The following PBX3 variants were observed in gnomAD, a reference collection of about 807,000 sequenced individuals.
PBX3 encodes the protein pre-B-cell leukemia transcription factor 3.
Under a neutral mutation model 48.5 loss-of-function variants are expected in PBX3, and 14 were observed. That is an observed-to-expected ratio of 0.29 (90% CI 0.19 to 0.45). PBX3 has a LOEUF of 0.45. Among genes scored for constraint, PBX3 ranks in the 20% least tolerant of loss-of-function variants. PBX3 has a pLI of 1.00. For synonymous variants in PBX3, 210 were observed against 200.3 expected, an observed-to-expected ratio of 1.05 and a Z score of -0.41; for missense variants, 386 against 546.7, an observed-to-expected ratio of 0.71 and a Z score of 2.93.
intron 8 of PBX3, among the ~76,000 whole-genome samples, chr9:125,964,109 C>T (rs904251561): frequency 1.3e-5 from 2 of 152,100 alleles, no homozygotes; most frequent in African/African-American, 4.8e-5. Flanking sequence ...TGATTGCCTG[C>T]AGCATTTTAC....
chr9:125,783,612 T>C (rs1837380717), intron 2 of PBX3, among the ~76,000 whole-genome samples: 1 of 152,208 alleles, frequency 6.6e-6, no homozygotes, highest in African/African-American at 2.4e-5. Flanking sequence ...TTTTAATCTC[T>C]TTGCTAATAC....
chr9:125,755,934 A>G (rs1216368350), intron 2 of PBX3, among the ~76,000 whole-genome samples: 2 of 151,938 alleles, frequency 1.3e-5, no homozygotes, highest in Non-Finnish European at 2.9e-5. Context: ...CTAAAACATA[A>G]TTTCATTAAC....
At chr9:125,919,395 G>C (rs12348133) in intron 3 of PBX3, among the ~76,000 whole-genome samples, 1 of 131,116 alleles carries the variant, frequency 7.6e-6, no homozygotes, top group African/African-American at 3.0e-5. Context: ...ATTTTTGGTA[G>C]AGACGGGGTT....
rs544905818 is a variant in PBX3 at position 125,871,316 on chromosome 9, C to T, written c.275-44370C>T. Among the ~76,000 whole-genome samples, 27 of 148,154 alleles carry T rather than the reference C, an allele frequency of 1.8e-4. No homozygotes were observed. The South Asian group carries it at 4.9e-3, about 27-fold the overall frequency. ...CTGAGGCAGAAGAATCACTTGAACC[C>T]GGGAGGTGGAGCTGAAATTGCGCCA... On this transcript the variant is annotated intron_variant, in intron 2 of 8. Transcript: ENST00000373489.
intron 2 of PBX3, among the ~76,000 whole-genome samples, chr9:125,774,816 A>G (rs1383053669): frequency 6.6e-6 from 1 of 150,646 alleles, no homozygotes; most frequent in Non-Finnish European, 1.5e-5. Context: ...ATGCCAAACA[A>G]TTTTCCATAG....
chr9:125,828,674 C>G (rs1460164114), intron 2 of PBX3, among the ~76,000 whole-genome samples: 1 of 152,140 alleles, frequency 6.6e-6, no homozygotes, highest in Non-Finnish European at 1.5e-5. Flanking sequence ...AAACAATTTA[C>G]TTATGATAGG....
chr9:125,817,571 A>G (rs777931843), intron 2 of PBX3, among the ~76,000 whole-genome samples: 1 of 152,234 alleles, frequency 6.6e-6, no homozygotes, highest in Admixed American at 6.5e-5. Flanking sequence ...TGCATCATTT[A>G]TAATACACTT....
At chr9:125,748,475 T>C (rs1419688205) in intron 1 of PBX3, 75 bp from the exon 2 acceptor site, 13 of 1,567,402 alleles carry the variant, frequency 8.3e-6, no homozygotes, top group Non-Finnish European at 1.0e-5. Context: ...AAATCTTGGG[T>C]CTAACTTAAA....
At chr9:125,775,262 T>A (rs1276104905) in intron 2 of PBX3, among the ~76,000 whole-genome samples, 2 of 152,264 alleles carry the variant, frequency 1.3e-5, no homozygotes, top group Admixed American at 6.5e-5. Flanking sequence ...GTTTTACTTT[T>A]CTTTTCTCTA....
At chr9:125,835,764 T>C (rs181672147) in intron 2 of PBX3, among the ~76,000 whole-genome samples, 94 of 152,318 alleles carry the variant, frequency 6.2e-4, no homozygotes, top group African/African-American at 2.1e-3. Context: ...CTGTAGTTAG[T>C]GCATTCACTA....
At chr9:125,859,012 G>T (rs550919313) in intron 2 of PBX3, among the ~76,000 whole-genome samples, 1 of 152,260 alleles carries the variant, frequency 6.6e-6, no homozygotes, top group African/African-American at 2.4e-5. Context: ...ATGAGGTTGC[G>T]TGACTACAGC....
Position 125,899,356 on chromosome 9 carries a change from TATAA to T in PBX3, c.275-16326_275-16323del, listed in dbSNP as rs1325958990. Among the ~76,000 whole-genome samples, 121 of 99,848 alleles carry T rather than the reference TATAA, an allele frequency of 1.2e-3. 7 individuals are homozygous for T. Among genetic ancestry groups the T allele is most frequent in the Non-Finnish European group, 1.9e-3 (91 of 48,844 alleles). 65.5% of individuals were successfully genotyped at this position (99,848 alleles called of 152,430 possible). A position where few individuals can be genotyped will look rare whatever the true frequency, so the allele number is the denominator to read the frequency against. ...ATATACATATATGTATATATTTTTATATAAATATATACATATATGTATATATTTT... is the reference window on the plus strand; with the variant it reads ...ATATACATATATGTATATATTTTTATATATATACATATATGTATATATTTT... On this transcript the variant is annotated intron_variant, in intron 2 of 8. Coordinates refer to ENST00000373489, the MANE Select transcript of PBX3 (RefSeq NM_006195.6).
chr9:125,833,172 A>G (rs536854352), intron 2 of PBX3, among the ~76,000 whole-genome samples: 3 of 152,220 alleles, frequency 2.0e-5, no homozygotes, highest in Non-Finnish European at 4.4e-5. Context: ...TTCCTGCAAT[A>G]TGCTAAGAAT....
At chr9:125,915,024 T>C (rs1183241633) in intron 2 of PBX3, among the ~76,000 whole-genome samples, 1 of 152,204 alleles carries the variant, frequency 6.6e-6, no homozygotes, top group Non-Finnish European at 1.5e-5. Context: ...AATGGCACAT[T>C]TTTAATACTG....
At chr9:125,764,117 C>G (rs1004672905) in intron 2 of PBX3, among the ~76,000 whole-genome samples, 4 of 152,194 alleles carry the variant, frequency 2.6e-5, no homozygotes, top group Non-Finnish European at 4.4e-5. Flanking sequence ...TTTCTAAAGA[C>G]TGCAAGGACA....
intron 2 of PBX3, among the ~76,000 whole-genome samples, chr9:125,782,908 A>G (rs10760402): frequency 2.6e-5 from 4 of 152,022 alleles, no homozygotes; most frequent in African/African-American, 9.7e-5. Flanking sequence ...ATAGTTTCTG[A>G]TAAGAATTTC....
chr9:125,794,662 T>C (rs997106274), intron 2 of PBX3, among the ~76,000 whole-genome samples: 4 of 151,424 alleles, frequency 2.6e-5, no homozygotes, highest in African/African-American at 9.7e-5. Flanking sequence ...GTCAGGATTA[T>C]GTTTGGTCTA....
intron 2 of PBX3, among the ~76,000 whole-genome samples, chr9:125,897,141 G>GTTTTTTTT (rs371641194): frequency 3.7e-5 from 4 of 108,914 alleles, no homozygotes; most frequent in East Asian, 2.5e-4. Flanking sequence ...TTCATTTGTG[G>GTTTTTTTT]TTTTTTTTTT....
intron 2 of PBX3, among the ~76,000 whole-genome samples, chr9:125,828,803 A>C (rs1264364016): frequency 6.6e-6 from 1 of 152,242 alleles, no homozygotes; most frequent in African/African-American, 2.4e-5. Flanking sequence ...GTCGTTTGAC[A>C]GATTTGTTTG....
Sources: allele counts gnomAD v4.1 joint callset (sites outside exome capture counted in the v4.1 genomes callset), GRCh38; gene constraint gnomAD v4.1.1; transcripts MANE v1.5; gene names NCBI Gene and HGNC (gene_info 2026-07-23, HGNC 2026-07-21).